GRM7: variants seen among roughly 807,000 people sequenced by gnomAD.
GRM7 encodes the protein glutamate metabotropic receptor 7.
A neutral mutation model predicts 84.5 loss-of-function variants in GRM7; 35 were observed. The observed-to-expected ratio is 0.41, with a 90% confidence interval of 0.32 to 0.55. The LOEUF is 0.55. GRM7 is among the 20% of genes least tolerant of loss of function. The probability of loss-of-function intolerance (pLI) is 0.19; values close to 1 mark genes in which losing one functional copy is unlikely to be tolerated. For synonymous variants in GRM7, 487 were observed against 455.1 expected (o/e 1.07, Z -0.89); for missense variants, 1,003 against 1,194.6 (o/e 0.84, Z 2.36).
At chr3:7,469,814 T>C (rs544296747) in intron 7 of GRM7, among the ~76,000 whole-genome samples, 1 of 152,340 alleles carries the variant, frequency 6.6e-6, no homozygotes, top group Non-Finnish European at 1.5e-5. Context: ...AAAATAGTAC[T>C]GTTATTTTGA....
At chr3:7,698,699 T>G (rs926624727) in intron 9 of GRM7, among the ~76,000 whole-genome samples, 2 of 152,170 alleles carry the variant, frequency 1.3e-5, no homozygotes, top group Admixed American at 1.3e-4. Context: ...CTGAGGATGT[T>G]TAGCAACATC....
intron 8 of GRM7, among the ~76,000 whole-genome samples, chr3:7,655,033 G>C (rs547153976): frequency 6.6e-6 from 1 of 152,246 alleles, no homozygotes; most frequent in African/African-American, 2.4e-5. Context: ...TTCTAGTTCT[G>C]TGAACAGACC....
At chr3:6,878,013 T>C (rs900151527) in intron 1 of GRM7, among the ~76,000 whole-genome samples, 1 of 151,692 alleles carries the variant, frequency 6.6e-6, no homozygotes, top group Non-Finnish European at 1.5e-5. Flanking sequence ...CTGAAGAAAA[T>C]ATTTCTTCCA....
chr3:7,145,010 TTGG>T (rs1694065751), intron 1 of GRM7, among the ~76,000 whole-genome samples: 1 of 152,136 alleles, frequency 6.6e-6, no homozygotes. Context: ...CCTAGAAATG[TTGG>T]TGGAGAAATG....
At chr3:7,087,751 G>A (rs1228959450) in intron 1 of GRM7, among the ~76,000 whole-genome samples, 2 of 152,018 alleles carry the variant, frequency 1.3e-5, no homozygotes, top group Non-Finnish European at 2.9e-5. Flanking sequence ...GTAGCAAAAG[G>A]GTTTATAAAA....
chr3:7,469,835 A>G (rs1041491234), intron 7 of GRM7, among the ~76,000 whole-genome samples: 3 of 152,230 alleles, frequency 2.0e-5, no homozygotes, highest in Non-Finnish European at 4.4e-5. Flanking sequence ...TTTGTAAATC[A>G]AAATTAAGTA....
At chr3:7,113,373 C>T (rs565573379) in intron 1 of GRM7, among the ~76,000 whole-genome samples, 3 of 152,152 alleles carry the variant, frequency 2.0e-5, no homozygotes, top group East Asian at 1.9e-4. Flanking sequence ...TACACAGCCT[C>T]GTTCCTTATC....
intron 1 of GRM7, among the ~76,000 whole-genome samples, chr3:7,069,311 C>G (rs1038716226): frequency 6.6e-6 from 1 of 151,898 alleles, no homozygotes. Flanking sequence ...GAGAGGGTTA[C>G]CAAACTAGAG....
At chr3:7,183,769 C>T (rs1695423499) in intron 2 of GRM7, among the ~76,000 whole-genome samples, 2 of 152,048 alleles carry the variant, frequency 1.3e-5, no homozygotes, top group African/African-American at 2.4e-5. Flanking sequence ...GCTGTTGGAG[C>T]TATTAACAAA....
intron 1 of GRM7, among the ~76,000 whole-genome samples, chr3:6,985,339 A>T (rs1575099613): frequency 1.3e-5 from 2 of 151,980 alleles, no homozygotes; most frequent in African/African-American, 2.4e-5. Flanking sequence ...GTACCCATTA[A>T]CCATCTTCAC....
intron 2 of GRM7, among the ~76,000 whole-genome samples, chr3:7,247,920 GCTACAA>G (rs1208073353): frequency 1.3e-5 from 2 of 152,056 alleles, no homozygotes; most frequent in Admixed American, 1.3e-4. Flanking sequence ...CACTAGAATG[GCTACAA>G]CTACAACTAC....
At chr3:7,735,405 G>GTACATTTGAGGAACTGAGTGCAA (rs1559512624) in intron 9 of GRM7, among the ~76,000 whole-genome samples, 20 of 72,022 alleles carry the variant, frequency 2.8e-4, no homozygotes, top group African/African-American at 2.4e-3. Context: ...AGAGGGTGCA[G>GTACATTTGAGGAACTGAGTGCAA]ACAGGATTAC....
intron 8 of GRM7, among the ~76,000 whole-genome samples, chr3:7,631,960 G>C (rs541005831): frequency 2.6e-5 from 4 of 152,150 alleles, no homozygotes; most frequent in Non-Finnish European, 5.9e-5. Flanking sequence ...TATACGTTAG[G>C]TGGTTAGAAA....
At position 6,928,856 on chromosome 3, in the gene GRM7, C is replaced by T. The variant is rs1462019640; in HGVS notation, c.519+66949C>T. 2.0e-5 allele frequency among the ~76,000 whole-genome samples: 3 copies of T among 152,130 alleles called. No homozygotes were observed. Among genetic ancestry groups the T allele is most frequent in the Admixed American group, 1.3e-4 (2 of 15,266 alleles). ...GTTTGTCATTCATGATGATTAGGTTCCCCCATATTTGAACTGGTACATAAA... is the reference window on the plus strand; with the variant it reads ...GTTTGTCATTCATGATGATTAGGTTTCCCCATATTTGAACTGGTACATAAA... On this transcript the variant is annotated intron_variant, in intron 1 of 9. Coordinates refer to ENST00000357716, the MANE Select transcript of GRM7 (RefSeq NM_000844.4). The surrounding 1 kb of genome is among the most constrained non-coding windows in gnomAD (Gnocchi z 4.5).
intron 4 of GRM7, among the ~76,000 whole-genome samples, chr3:7,392,065 G>A (rs1315708143): frequency 1.3e-5 from 2 of 152,132 alleles, no homozygotes; most frequent in Non-Finnish European, 2.9e-5. Context: ...TGACCCAAGA[G>A]GGCCTTTGGC....
At chr3:7,570,668 A>G (rs1014453248) in intron 7 of GRM7, among the ~76,000 whole-genome samples, 2 of 152,158 alleles carry the variant, frequency 1.3e-5, no homozygotes, top group South Asian at 4.1e-4. Context: ...CACACACACG[A>G]TACAAGTTGT....
rs79615274 is a variant in GRM7, at chr3:7,036,694, T to C, written c.520-109758T>C. Among the ~76,000 whole-genome samples the C allele has an allele frequency of 3.9e-3, 595 of 152,332 alleles. 3 individuals are homozygous for C. The highest frequency in any genetic ancestry group is 0.017 in the Middle Eastern group (5 of 294). On this transcript the variant is annotated intron_variant, in intron 1 of 9. Transcript: ENST00000357716. ...AATAGAAAAGGTCCCCAGTTTAACA[T>C]AGAAATTATATAAAATTTTATTTTC... is the stretch of plus-strand genomic sequence containing the variant.
intron 1 of GRM7, among the ~76,000 whole-genome samples, chr3:7,136,193 T>G (rs913730791): frequency 1.3e-5 from 2 of 152,076 alleles, no homozygotes; most frequent in Admixed American, 6.6e-5. Flanking sequence ...CATTTTTTTT[T>G]TCTATTTTAA....
chr3:7,061,246 A>G (rs190514792), intron 1 of GRM7, among the ~76,000 whole-genome samples: 613 of 151,898 alleles, frequency 4.0e-3, no homozygotes, highest in Middle Eastern at 0.01. Flanking sequence ...GTTGCTGTGT[A>G]ACTGTTGGTT....
Sources: allele counts gnomAD v4.1 joint callset (sites outside exome capture counted in the v4.1 genomes callset), GRCh38; gene constraint gnomAD v4.1.1; non-coding constraint Gnocchi (gnomAD v3.1); transcripts MANE v1.5; gene names NCBI Gene and HGNC (gene_info 2026-07-23, HGNC 2026-07-21).